The following ZNF423 variants were observed in gnomAD, a reference collection of about 807,000 sequenced individuals.
ZNF423 encodes the protein zinc finger protein 423.
A neutral mutation model predicts 95.8 loss-of-function variants in ZNF423; 12 were observed. That is an observed-to-expected ratio of 0.13 (90% CI 0.08 to 0.20). The LOEUF (loss-of-function observed/expected upper bound fraction) is 0.20. Among genes scored for constraint, ZNF423 ranks in the 10% least tolerant of loss-of-function variants. The pLI is 1.00. For synonymous variants in ZNF423, 749 were observed against 711.9 expected (o/e 1.05, Z -0.83); for missense variants, 1,316 against 1,737.1 (o/e 0.76, Z 4.31).
chr16:49,546,868 G>C (rs974814970), intron 5 of ZNF423, among the ~76,000 whole-genome samples: 1 of 152,108 alleles, frequency 6.6e-6, no homozygotes, highest in African/African-American at 2.4e-5. Context: ...AGAAGAAAGA[G>C]CATAACATTT....
At chr16:49,773,812 G>C (rs1268929824) in intron 2 of ZNF423, among the ~76,000 whole-genome samples, 1 of 152,174 alleles carries the variant, frequency 6.6e-6, no homozygotes. Flanking sequence ...AAGTGCGCCC[G>C]CAAGGACTCA....
intron 3 of ZNF423, among the ~76,000 whole-genome samples, chr16:49,726,815 G>GC (rs2143334422): frequency 7.7e-6 from 1 of 129,070 alleles, no homozygotes; most frequent in East Asian, 2.4e-4. Context: ...CAAGCTTCCT[G>GC]CCCTTGAGCA....
chr16:49,769,587 G>A (rs1390595761), intron 2 of ZNF423, among the ~76,000 whole-genome samples: 5 of 151,866 alleles, frequency 3.3e-5, no homozygotes, highest in Non-Finnish European at 5.9e-5. Context: ...GCCCTCCCTG[G>A]TTCCCCATCA....
chr16:49,651,040 A>T (rs1973381036), intron 3 of ZNF423, among the ~76,000 whole-genome samples: 1 of 151,178 alleles, frequency 6.6e-6, no homozygotes, highest in Non-Finnish European at 1.5e-5. Flanking sequence ...TTTTTCTTAG[A>T]GACAGGGTCT....
At chr16:49,503,235 G>C (rs567724526) in intron 7 of ZNF423, among the ~76,000 whole-genome samples, 1 of 152,128 alleles carries the variant, frequency 6.6e-6, no homozygotes, top group Non-Finnish European at 1.5e-5. Context: ...AGGACGCAAG[G>C]GCCCCTTGAA....
chr16:49,578,114 A>G (rs1042815323), intron 5 of ZNF423, among the ~76,000 whole-genome samples: 4 of 152,212 alleles, frequency 2.6e-5, no homozygotes, highest in Non-Finnish European at 5.9e-5. Flanking sequence ...GCCATTGTCC[A>G]AGGCTTTTGA....
chr16:49,795,941 A>C (rs2034492496), intron 1 of ZNF423, among the ~76,000 whole-genome samples: 1 of 152,096 alleles, frequency 6.6e-6, no homozygotes, highest in African/African-American at 2.4e-5. Context: ...AAGGGGCTCA[A>C]AGAGGCCAGA....
chr16:49,521,591 T>C (rs1393930828), intron 7 of ZNF423, among the ~76,000 whole-genome samples: 1 of 152,180 alleles, frequency 6.6e-6, no homozygotes, highest in African/African-American at 2.4e-5. Flanking sequence ...TAAGGGTCAC[T>C]AGCTCAGTGG....
chr16:49,542,279 T>C (rs539817849), intron 5 of ZNF423, among the ~76,000 whole-genome samples: 2 of 152,306 alleles, frequency 1.3e-5, no homozygotes, highest in Admixed American at 6.5e-5. Flanking sequence ...CTCTATTCCA[T>C]CACCTGTCAA....
intron 1 of ZNF423, among the ~76,000 whole-genome samples, chr16:49,832,884 G>C (rs1218029950): frequency 6.6e-6 from 1 of 152,234 alleles, no homozygotes; most frequent in Non-Finnish European, 1.5e-5. Context: ...CATTGCTTAG[G>C]AGACAGAAGC....
At position 49,637,153 on chromosome 16, in the gene ZNF423, A is replaced by C. The variant is rs1166852600; in HGVS notation, c.2023T>G (p.Cys675Gly). The C allele has an allele frequency of 8.1e-6, 13 of 1,613,574 alleles. No individual in the cohort carries two copies. ...LLLRKQACPQCKEDFDSQESL... is the reference protein window; with the variant it reads ...LLLRKQACPQGKEDFDSQESL... The stretch of plus-strand genomic sequence containing the variant: ...TCCTGGGAGTCAAAGTCCTCTTTGC[A>C]CTGGGGGCACGCTTGCTTCCGCAGC... The change falls in exon 4 of 8, where the codon TGC becomes GGC. Residue 675 changes from cysteine (C) to glycine (G), a missense_variant. Cys to Gly is a radical substitution (Grantham distance 159). Coordinates refer to ENST00000563137, the MANE Select transcript of ZNF423 (RefSeq NM_001379286.1). The surrounding 1 kb of genome is among the most constrained non-coding windows in gnomAD (Gnocchi z 5.6).
chr16:49,514,861 TTCA>T, intron 7 of ZNF423, among the ~76,000 whole-genome samples: 1 of 152,276 alleles, frequency 6.6e-6, no homozygotes, highest in South Asian at 2.1e-4. Context: ...CAAAACCATC[TTCA>T]TCAAGGACAT....
chr16:49,675,738 G>C (rs2031018446), intron 3 of ZNF423, among the ~76,000 whole-genome samples: 1 of 152,096 alleles, frequency 6.6e-6, no homozygotes, highest in African/African-American at 2.4e-5. Context: ...GCCAGGACAG[G>C]GGTTCCAAAG....
intron 1 of ZNF423, chr16:49,854,577 G>C: frequency 4.1e-6 from 4 of 985,426 alleles, no homozygotes; most frequent in Non-Finnish European, 4.8e-6. Flanking sequence ...AGACTTAGCC[G>C]CTCTCATCGT....
intron 5 of ZNF423, among the ~76,000 whole-genome samples, chr16:49,586,216 G>C (rs1229440542): frequency 6.6e-6 from 1 of 152,060 alleles, no homozygotes; most frequent in Non-Finnish European, 1.5e-5. Flanking sequence ...CTGCGTCGCT[G>C]ACAGAGTAGC....
At chr16:49,692,808 T>G (rs1455906019) in intron 3 of ZNF423, among the ~76,000 whole-genome samples, 1 of 152,234 alleles carries the variant, frequency 6.6e-6, no homozygotes, top group Non-Finnish European at 1.5e-5. Flanking sequence ...GAAGACAATA[T>G]TGTCTCTAGT....
chr16:49,606,304 G>A (rs151182243), intron 5 of ZNF423, among the ~76,000 whole-genome samples: 18 of 152,246 alleles, frequency 1.2e-4, no homozygotes, highest in African/African-American at 4.3e-4. Flanking sequence ...ATGTGACTGG[G>A]AAGACACACG....
intron 7 of ZNF423, among the ~76,000 whole-genome samples, chr16:49,497,005 G>T (rs1186482698): frequency 6.6e-6 from 1 of 152,142 alleles, no homozygotes; most frequent in Non-Finnish European, 1.5e-5. Context: ...CTGAACTTTG[G>T]ATGGTCCTGC....
chr16:49,690,669 G>T (rs755305095), intron 3 of ZNF423, among the ~76,000 whole-genome samples: 1 of 152,212 alleles, frequency 6.6e-6, no homozygotes, highest in Non-Finnish European at 1.5e-5. Flanking sequence ...AGGAGGCAGC[G>T]AGGGGGTACC....
Sources: gnomAD v4.1 joint callset for allele counts (sites outside exome capture counted in the v4.1 genomes callset) on GRCh38, gnomAD v4.1.1 for gene constraint, Gnocchi (gnomAD v3.1) non-coding constraint, MANE v1.5 for transcripts, NCBI Gene and HGNC (gene_info 2026-07-23, HGNC 2026-07-21) for gene names.